THAP10: variants seen among roughly 807,000 people sequenced by gnomAD.
THAP10 encodes THAP domain containing 10, also known as THAP domain-containing protein 10.
Under a neutral mutation model 15.7 loss-of-function variants are expected in THAP10, and 10 were observed. The ratio of observed to expected loss-of-function variants is 0.64; its 90% CI spans 0.39 to 1.08. THAP10 has a LOEUF of 1.08. Among genes scored for constraint, THAP10 ranks in the 50% least tolerant of loss-of-function variants. The probability of loss-of-function intolerance (pLI) is 0.01; values close to 1 mark genes in which losing one functional copy is unlikely to be tolerated. For synonymous variants in THAP10, 127 were observed against 129.1 expected, an observed-to-expected ratio of 0.98 and a Z score of 0.11; for missense variants, 310 against 330.9, an observed-to-expected ratio of 0.94 and a Z score of 0.49.
chr15:70,890,418 TATAGTC>T (rs780659735), intron 1 of THAP10, among the ~76,000 whole-genome samples: 1 of 152,220 alleles, frequency 6.6e-6, no homozygotes, highest in African/African-American at 2.4e-5. Flanking sequence ...AATTTGTTCT[TATAGTC>T]ATGTAATCAT....
intron 1 of THAP10, among the ~76,000 whole-genome samples, chr15:70,883,582 G>T (rs1250765792): frequency 6.6e-6 from 1 of 151,868 alleles, no homozygotes; most frequent in African/African-American, 2.4e-5. Context: ...ATACTTTATA[G>T]AAGTCTCCTT....
chr15:70,884,444 CG>C (rs1458998081), intron 1 of THAP10, among the ~76,000 whole-genome samples: 1 of 151,724 alleles, frequency 6.6e-6, no homozygotes, highest in African/African-American at 2.4e-5. Flanking sequence ...TGCTTGAAGC[CG>C]GGAGGCAGAG....
Position 70,881,663 on chromosome 15 carries a change from C to T in THAP10, c.*791G>A, listed in dbSNP as rs1200905766. ...ATGCTTATTTCTCAAATGTAGAATT[C>T]AAAAGAGAGGTGTTGACAGAAAAAA... On this transcript the variant is annotated 3_prime_UTR_variant, in exon 3 of 3. Transcript: ENST00000249861. The T allele has an allele frequency of 6.6e-6, 1 of 152,026 alleles. No individual in the cohort carries two copies. The highest frequency in any genetic ancestry group is 1.5e-5 in the Non-Finnish European group (1 of 68,002). The allele number at this position is 152,026 out of a possible 1,614,324, so 9.4% of individuals were successfully genotyped here.
In THAP10 at chr15:70,891,198, C is replaced by T. The variant is rs530807242; in HGVS notation, c.429+646G>A. On this transcript the variant is annotated intron_variant, in intron 1 of 2. Transcript: ENST00000249861. ...TACGTGGGGAAGAAGGTAGTAGTAA[C>T]CAGATGCAAAATGAGTGCAAACAAT... 5.9e-5 allele frequency among the ~76,000 whole-genome samples: 9 copies of T among 152,174 alleles called. No individual in the cohort carries two copies. In the South Asian group the frequency reaches 1.2e-3, roughly 21 times the overall value.
intron 1 of THAP10, among the ~76,000 whole-genome samples, chr15:70,890,012 T>C (rs2033510845): frequency 6.6e-6 from 1 of 152,244 alleles, no homozygotes; most frequent in South Asian, 2.1e-4. Flanking sequence ...AGTATATTAA[T>C]GTACTATGGA....
At position 70,891,993 on chromosome 15, in the gene THAP10, C is replaced by G; in HGVS notation, c.280G>C (p.Ala94Pro). The G allele has an allele frequency of 1.2e-6, 2 of 1,612,994 alleles. No individual in the cohort carries two copies. The highest frequency in any genetic ancestry group is 1.7e-6 in the Non-Finnish European group (2 of 1,179,648). The change falls in exon 1 of 3, where the codon GCC becomes CCC. Residue 94 changes from alanine to proline, a missense_variant. Physicochemically the swap from Ala to Pro is conservative, Grantham distance 27. Transcript: ENST00000249861. Reference sequence around the variant, plus strand: ...TCCTCTCCCCTCTTAGGTGCCGGGGCGGGCACCCGGTGCAGGGTGGGCACG... The same window carrying G: ...TCCTCTCCCCTCTTAGGTGCCGGGGGGGGCACCCGGTGCAGGGTGGGCACG... Reference protein sequence around the residue: ...GAVPTLHRVPAPAPKRGEEGD... With the variant: ...GAVPTLHRVPPPAPKRGEEGD...
intron 1 of THAP10, among the ~76,000 whole-genome samples, chr15:70,891,212 A>G (rs550710342): frequency 1.3e-5 from 2 of 152,346 alleles, no homozygotes; most frequent in East Asian, 3.9e-4. Flanking sequence ...ATGCAAAATG[A>G]GTGCAAACAA....
chr15:70,883,391 A>G (rs1179778841), intron 1 of THAP10, among the ~76,000 whole-genome samples: 2 of 152,052 alleles, frequency 1.3e-5, no homozygotes, highest in Non-Finnish European at 2.9e-5. Context: ...ACAGGGTTTC[A>G]CCATGTTAGC....
intron 1 of THAP10, among the ~76,000 whole-genome samples, chr15:70,883,575 C>T (rs2033324100): frequency 6.6e-6 from 1 of 151,932 alleles, no homozygotes; most frequent in African/African-American, 2.4e-5. Context: ...GTTCTTTATA[C>T]TTTATAGAAG....
intron 1 of THAP10, among the ~76,000 whole-genome samples, chr15:70,883,218 T>A (rs1169243262): frequency 1.3e-5 from 2 of 151,628 alleles, no homozygotes; most frequent in Admixed American, 1.3e-4. Flanking sequence ...TGAGATGGAG[T>A]TTTGCTCTTG....
intron 1 of THAP10, among the ~76,000 whole-genome samples, chr15:70,884,293 G>A (rs970865989): frequency 6.6e-6 from 1 of 152,106 alleles, no homozygotes; most frequent in African/African-American, 2.4e-5. Context: ...AGCACTTCGG[G>A]AGGCTGAGGC....
At chr15:70,883,699 A>C (rs1019190335) in intron 1 of THAP10, among the ~76,000 whole-genome samples, 4 of 148,414 alleles carry the variant, frequency 2.7e-5, no homozygotes, top group African/African-American at 7.5e-5. Context: ...CCCAGACCGG[A>C]GTGCAGAAGC....
chr15:70,885,221 AC>A (rs890030647), intron 1 of THAP10, among the ~76,000 whole-genome samples: 3 of 152,204 alleles, frequency 2.0e-5, no homozygotes, highest in African/African-American at 7.2e-5. Context: ...GCAGAAAGAG[AC>A]AAAAGGAAAA....
intron 1 of THAP10, 32 bp from the exon 2 acceptor site, chr15:70,882,940 A>C (rs756870764): frequency 2.0e-5 from 32 of 1,611,622 alleles, no homozygotes; most frequent in Non-Finnish European, 2.5e-5. Context: ...GAAACATATT[A>C]AAGTGTACCT....
rs774544675 is a variant in THAP10, at chr15:70,882,882, T to G, written c.456A>C (p.Gln152His). The G allele has an allele frequency of 6.2e-7, 1 of 1,614,034 alleles. No homozygotes were observed. The highest frequency in any genetic ancestry group is 8.5e-7 in the Non-Finnish European group (1 of 1,179,972). ...ATGGATTATCAGCATGGGGTTGGGTTTGCACAAGTTCATTTTCACACGTAA... is the reference window on the plus strand; with the variant it reads ...ATGGATTATCAGCATGGGGTTGGGTGTGCACAAGTTCATTTTCACACGTAA... Reference protein sequence around the residue: ...SQITCENELVQTQPHADNPSN... With the variant: ...SQITCENELVHTQPHADNPSN... The change falls in exon 2 of 3, where the codon CAA (glutamine) becomes CAC (histidine). Residue 152 changes from glutamine (Q) to histidine (H), a missense_variant. Gln to His is a conservative substitution (Grantham distance 24, BLOSUM62 0). Coordinates refer to ENST00000249861, the MANE Select transcript of THAP10 (RefSeq NM_020147.4).
Position 70,891,762 on chromosome 15 carries a change from G to A in THAP10, c.429+82C>T. Reference sequence around the variant, plus strand: ...AAAACAGGAACTTTCGAGATGAGGTGCCTTTCCCAAGGTGACACTAAGTGG... The same window carrying A: ...AAAACAGGAACTTTCGAGATGAGGTACCTTTCCCAAGGTGACACTAAGTGG... On this transcript the variant is annotated intron_variant, in intron 1 of 2. Coordinates refer to ENST00000249861, the MANE Select transcript of THAP10 (RefSeq NM_020147.4). 5.5e-6 allele frequency: 7 copies of A among 1,272,558 alleles called. No individual in the cohort carries two copies. In the South Asian group the frequency reaches 1.1e-4, roughly 20 times the overall value. 78.8% of individuals were successfully genotyped at this position (1,272,558 alleles called of 1,614,324 possible). A position where few individuals can be genotyped will look rare whatever the true frequency, so the allele number is the denominator to read the frequency against.
In THAP10 at chr15:70,883,747, C is replaced by T. The variant is rs1336650524; in HGVS notation, c.430-839G>A. 2.0e-5 allele frequency among the ~76,000 whole-genome samples: 3 copies of T among 151,716 alleles called. No individual in the cohort carries two copies. In the East Asian group the frequency reaches 5.8e-4, roughly 29 times the overall value. ...CACTGCAACTGCAACATCCACCTCCCGGGTTCAAGCAATTGTCGTGCCTCA... is the reference window on the plus strand; with the variant it reads ...CACTGCAACTGCAACATCCACCTCCTGGGTTCAAGCAATTGTCGTGCCTCA... On this transcript the variant is annotated intron_variant, in intron 1 of 2. Coordinates refer to ENST00000249861, the MANE Select transcript of THAP10 (RefSeq NM_020147.4).
At chr15:70,882,681 GTTAGACTTTGCTTTTCA>G in intron 2 of THAP10, 31 bp from the exon 3 acceptor site, 8 of 1,611,184 alleles carry the variant, frequency 5.0e-6, no homozygotes, top group Non-Finnish European at 5.9e-6. Context: ...GTACCTATGA[GTTAGACTTTGCTTTTCA>G]TATATCTTTA....
intron 1 of THAP10, 32 bp from the exon 2 acceptor site, chr15:70,882,940 A>G: frequency 1.2e-6 from 2 of 1,611,740 alleles, no homozygotes; most frequent in Non-Finnish European, 1.7e-6. Flanking sequence ...GAAACATATT[A>G]AAGTGTACCT....
Sources: gnomAD v4.1 joint callset for allele counts (sites outside exome capture counted in the v4.1 genomes callset) on GRCh38, gnomAD v4.1.1 for gene constraint, MANE v1.5 for transcripts, NCBI Gene and HGNC (gene_info 2026-07-23, HGNC 2026-07-21) for gene names.